ACOXL: variants seen among roughly 807,000 people sequenced by gnomAD.
The protein encoded by ACOXL is acyl-coenzyme A oxidase-like protein.
In ACOXL, 70 loss-of-function variants were observed where a neutral mutation model predicts 71.9. The ratio of observed to expected loss-of-function variants is 0.97; its 90% CI spans 0.80 to 1.19. The LOEUF is 1.19. Ranked by LOEUF, ACOXL falls within the 50% of genes most tolerant of loss-of-function variation. The probability of loss-of-function intolerance (pLI) is 0.00; values close to 1 mark genes in which losing one functional copy is unlikely to be tolerated. For synonymous variants in ACOXL, 253 were observed against 281.6 expected (o/e 0.90, Z 1.02); for missense variants, 703 against 736.3 (o/e 0.95, Z 0.52).
intron 11 of ACOXL, among the ~76,000 whole-genome samples, chr2:110,919,508 TAACA>T (rs1242667058): frequency 3.3e-4 from 50 of 152,108 alleles, no homozygotes; most frequent in African/African-American, 1.2e-3. Flanking sequence ...TATATTTGTG[TAACA>T]AACCTGCATA....
At chr2:111,078,120 A>G (rs550547203) in intron 16 of ACOXL, among the ~76,000 whole-genome samples, 1 of 151,816 alleles carries the variant, frequency 6.6e-6, no homozygotes, top group South Asian at 2.1e-4. Flanking sequence ...TGTTGTTCAG[A>G]TAGGATAATT....
At chr2:110,948,744 A>G (rs1040745651) in intron 12 of ACOXL, among the ~76,000 whole-genome samples, 17 of 151,258 alleles carry the variant, frequency 1.1e-4, no homozygotes, top group African/African-American at 4.1e-4. Context: ...TGAAAAATCC[A>G]AAAGCACAGT....
intron 11 of ACOXL, among the ~76,000 whole-genome samples, chr2:110,926,690 G>C (rs1203643197): frequency 6.6e-6 from 1 of 152,124 alleles, no homozygotes; most frequent in Non-Finnish European, 1.5e-5. Flanking sequence ...ATCCCCTCCA[G>C]TACCCTCAAA....
chr2:111,004,744 C>T (rs2063793666), intron 14 of ACOXL, among the ~76,000 whole-genome samples: 1 of 152,142 alleles, frequency 6.6e-6, no homozygotes, highest in Admixed American at 6.5e-5. Context: ...GATCTTGATC[C>T]AATAGCTTGG....
Position 111,117,849 on chromosome 2 carries a change from C to G in ACOXL, c.*33C>G. Reference sequence around the variant, plus strand: ...GGCGGGAAGTGTGGTGGCCCGCCAGCAGCTGCCACGACGCTCGCTCCACCG... The same window carrying G: ...GGCGGGAAGTGTGGTGGCCCGCCAGGAGCTGCCACGACGCTCGCTCCACCG... On this transcript the variant is annotated 3_prime_UTR_variant, in exon 18 of 18. Coordinates refer to ENST00000439055, the MANE Select transcript of ACOXL (RefSeq NM_001142807.4). 1 of 1,532,418 alleles carries G rather than the reference C, an allele frequency of 6.5e-7. No homozygotes were observed. The highest frequency in any genetic ancestry group is 2.0e-5 in the Admixed American group (1 of 50,754). The allele number at this position is 1,532,418 out of a possible 1,614,324, so 94.9% of individuals were successfully genotyped here.
At chr2:110,937,882 T>C (rs2060724427) in intron 12 of ACOXL, among the ~76,000 whole-genome samples, 1 of 152,180 alleles carries the variant, frequency 6.6e-6, no homozygotes, top group Non-Finnish European at 1.5e-5. Context: ...TTGTAGAGGT[T>C]GTGGGAGTTA....
chr2:110,927,201 C>T (rs564803829), intron 11 of ACOXL, among the ~76,000 whole-genome samples: 140 of 152,260 alleles, frequency 9.2e-4, no homozygotes, highest in African/African-American at 3.2e-3. Flanking sequence ...TGAGAACTCA[C>T]TCACTATCAC....
At chr2:110,819,550 A>G (rs1175849649) in intron 9 of ACOXL, among the ~76,000 whole-genome samples, 3 of 152,140 alleles carry the variant, frequency 2.0e-5, no homozygotes, top group Non-Finnish European at 4.4e-5. Context: ...GGGGAATGCA[A>G]GAGGTGGGTT....
At chr2:110,838,030 T>C (rs1318216952) in intron 9 of ACOXL, among the ~76,000 whole-genome samples, 1 of 152,202 alleles carries the variant, frequency 6.6e-6, no homozygotes. Context: ...GGCCTCCTTT[T>C]GTCTAAGGGG....
intron 12 of ACOXL, among the ~76,000 whole-genome samples, chr2:110,939,003 G>A (rs1414327720): frequency 6.6e-6 from 1 of 152,194 alleles, no homozygotes; most frequent in African/African-American, 2.4e-5. Flanking sequence ...AGATTTTTAT[G>A]TTAGTGTGTC....
intron 14 of ACOXL, among the ~76,000 whole-genome samples, chr2:111,029,017 A>G (rs1333144500): frequency 6.6e-6 from 1 of 152,206 alleles, no homozygotes; most frequent in Non-Finnish European, 1.5e-5. Context: ...AAGTTACTGA[A>G]CATTTCTGTG....
At chr2:110,786,504 C>A (rs112524247) in intron 3 of ACOXL, among the ~76,000 whole-genome samples, 1 of 152,192 alleles carries the variant, frequency 6.6e-6, no homozygotes, top group African/African-American at 2.4e-5. Context: ...TAAATCCTGT[C>A]TCAGAAATAC....
intron 12 of ACOXL, chr2:110,963,739 A>G: frequency 6.2e-7 from 1 of 1,612,958 alleles, no homozygotes; most frequent in East Asian, 2.2e-5. Context: ...TGTTTTCAAG[A>G]TCAAGAGTTA....
At position 110,915,336 on chromosome 2, in the gene ACOXL, T is replaced by TATATATATATA. The variant is rs1558721442; in HGVS notation, c.905+6431_905+6432insATATATATATA. On this transcript the variant is annotated intron_variant, in intron 11 of 17. Coordinates refer to ENST00000439055, the MANE Select transcript of ACOXL (RefSeq NM_001142807.4). ...TTTGAAATTTTTTGTTATATGCATT[T>TATATATATATA]TATATATATATATATGTGTGTGTGT... Among the ~76,000 whole-genome samples the TATATATATATA allele has an allele frequency of 4.1e-3, 538 of 130,472 alleles. 4 individuals are homozygous for TATATATATATA. Among genetic ancestry groups the TATATATATATA allele is most frequent in the African/African-American group, 0.014 (492 of 35,412 alleles). 85.6% of individuals were successfully genotyped at this position (130,472 alleles called of 152,430 possible). A position where few individuals can be genotyped will look rare whatever the true frequency, so the allele number is the denominator to read the frequency against.
At chr2:111,093,420 A>G in intron 17 of ACOXL, 1 of 1,610,708 alleles carries the variant, frequency 6.2e-7, no homozygotes. Context: ...ATGCTACTGC[A>G]AAGAAAAAGA....
intron 10 of ACOXL, among the ~76,000 whole-genome samples, chr2:110,865,911 G>A (rs1056064870): frequency 4.0e-5 from 6 of 149,904 alleles, no homozygotes; most frequent in Non-Finnish European, 7.4e-5. Flanking sequence ...GGTTTATTTA[G>A]CTTTATTTAC....
chr2:110,950,896 G>A (rs1443487531), intron 12 of ACOXL, among the ~76,000 whole-genome samples: 21 of 151,610 alleles, frequency 1.4e-4, no homozygotes, highest in South Asian at 2.1e-4. Flanking sequence ...TGGAGTCCCC[G>A]AATCTGTGCT....
At chr2:110,809,178 C>T (rs1309767690) in intron 9 of ACOXL, among the ~76,000 whole-genome samples, 1 of 152,266 alleles carries the variant, frequency 6.6e-6, no homozygotes, top group African/African-American at 2.4e-5. Flanking sequence ...CAGGAGTCTT[C>T]TTTCTTTCTT....
At chr2:110,747,089 T>C (rs1193058986) in intron 1 of ACOXL, among the ~76,000 whole-genome samples, 1 of 152,116 alleles carries the variant, frequency 6.6e-6, no homozygotes, top group African/African-American at 2.4e-5. Flanking sequence ...GACCCCATAG[T>C]ACTCAACCTA....
Sources: allele counts gnomAD v4.1 joint callset (sites outside exome capture counted in the v4.1 genomes callset), GRCh38; gene constraint gnomAD v4.1.1; transcripts MANE v1.5; gene names NCBI Gene and HGNC (gene_info 2026-07-23, HGNC 2026-07-21).